The following DYNC1I1 variants were observed in gnomAD, a reference collection of about 807,000 sequenced individuals.
DYNC1I1 encodes dynein cytoplasmic 1 intermediate chain 1, also known as cytoplasmic dynein 1 intermediate chain 1.
DYNC1I1 carries 43 observed loss-of-function variants against 86.6 expected under a neutral mutation model. The ratio of observed to expected loss-of-function variants is 0.50; its 90% CI spans 0.39 to 0.64. The LOEUF (loss-of-function observed/expected upper bound fraction) is 0.64. Ranked by LOEUF, DYNC1I1 falls within the 30% of genes least tolerant of loss-of-function variation. The probability of loss-of-function intolerance (pLI) is 0.00; values close to 1 mark genes in which losing one functional copy is unlikely to be tolerated. For synonymous variants in DYNC1I1, 262 were observed against 283.7 expected (o/e 0.92, Z 0.77); for missense variants, 604 against 788.8 (o/e 0.77, Z 2.81).
At chr7:95,901,705 C>T (rs1236953247) in intron 6 of DYNC1I1, among the ~76,000 whole-genome samples, 1 of 152,162 alleles carries the variant, frequency 6.6e-6, no homozygotes, top group Non-Finnish European at 1.5e-5. Flanking sequence ...TGCTTACTGA[C>T]AGTGCTTATT....
intron 5 of DYNC1I1, among the ~76,000 whole-genome samples, chr7:95,846,621 CTCTCTCTGTGTGTGTGTGTGTG>C (rs1488881262): frequency 8.3e-6 from 1 of 120,296 alleles, no homozygotes; most frequent in African/African-American, 3.4e-5. Context: ...TGATAAATCT[CTCTCTCTGTGTGTGTGTGTGTG>C]TGTGTGTGTG....
At chr7:95,957,506 G>T (rs549247329) in intron 6 of DYNC1I1, among the ~76,000 whole-genome samples, 1 of 152,070 alleles carries the variant, frequency 6.6e-6, no homozygotes, top group Admixed American at 6.5e-5. Flanking sequence ...AGAGTTGTTC[G>T]TCCTCCAGAA....
chr7:96,096,830 G>A (rs901630716), intron 16 of DYNC1I1, among the ~76,000 whole-genome samples: 1 of 151,986 alleles, frequency 6.6e-6, no homozygotes, highest in Non-Finnish European at 1.5e-5. Flanking sequence ...TAATCTTTCT[G>A]TGCCTCTAAT....
At chr7:95,983,959 T>G (rs62467721) in intron 7 of DYNC1I1, among the ~76,000 whole-genome samples, 14,647 of 152,208 alleles carry the variant, frequency 0.096, 732 homozygotes, top group Admixed American at 0.12. Flanking sequence ...CTGCCCTTGA[T>G]GGTTTTTTGG....
intron 5 of DYNC1I1, among the ~76,000 whole-genome samples, chr7:95,863,460 A>T (rs1377531433): frequency 6.6e-6 from 1 of 152,114 alleles, no homozygotes; most frequent in Non-Finnish European, 1.5e-5. Flanking sequence ...ACTAATAACC[A>T]TTAAATTATA....
chr7:95,996,879 AC>A (rs1346840954), intron 10 of DYNC1I1, among the ~76,000 whole-genome samples: 2 of 152,222 alleles, frequency 1.3e-5, no homozygotes, highest in East Asian at 3.8e-4. Flanking sequence ...ATTCAGAGGT[AC>A]TGAGTGGCAG....
chr7:95,789,760 A>G (rs545338313), intron 1 of DYNC1I1, among the ~76,000 whole-genome samples: 1 of 152,346 alleles, frequency 6.6e-6, no homozygotes, highest in Non-Finnish European at 1.5e-5. Context: ...TGGCTGAGAA[A>G]GGATAAAGGT....
At chr7:96,032,176 C>T (rs1436060144) in intron 11 of DYNC1I1, among the ~76,000 whole-genome samples, 1 of 152,086 alleles carries the variant, frequency 6.6e-6, no homozygotes, top group Non-Finnish European at 1.5e-5. Flanking sequence ...GAATATTAAC[C>T]ACTTTTTATA....
In DYNC1I1 at chr7:95,827,063, T is replaced by G. The variant is rs545523070; in HGVS notation, c.315-994T>G. The stretch of plus-strand genomic sequence containing the variant: ...TGGGGTGGGACGTGAGTTTCTGCAT[T>G]TCCAACAAACTCCCAAGAGATGTTG... On this transcript the variant is annotated intron_variant, in intron 4 of 16. Transcript: ENST00000447467. Among the ~76,000 whole-genome samples the G allele has an allele frequency of 5.3e-5, 8 of 152,226 alleles. No individual in the cohort carries two copies. The East Asian group carries it at 7.7e-4, about 15-fold the overall frequency.
At chr7:96,025,518 C>G (rs1201108922) in intron 10 of DYNC1I1, among the ~76,000 whole-genome samples, 1 of 152,056 alleles carries the variant, frequency 6.6e-6, no homozygotes, top group African/African-American at 2.4e-5. Context: ...AAGCAGAACT[C>G]TGGTGCTGCA....
At chr7:95,991,089 G>A (rs977293534) in intron 9 of DYNC1I1, among the ~76,000 whole-genome samples, 1 of 152,206 alleles carries the variant, frequency 6.6e-6, no homozygotes. Context: ...TTTTAAAAGT[G>A]TCTGGTGCAT....
At chr7:95,908,157 T>C (rs1218346939) in intron 6 of DYNC1I1, among the ~76,000 whole-genome samples, 4 of 152,198 alleles carry the variant, frequency 2.6e-5, no homozygotes, top group Non-Finnish European at 5.9e-5. Context: ...CGGGAGGAGA[T>C]GGAGACTACC....
At chr7:96,012,336 C>T (rs764839249) in intron 10 of DYNC1I1, among the ~76,000 whole-genome samples, 3 of 152,160 alleles carry the variant, frequency 2.0e-5, no homozygotes, top group Non-Finnish European at 4.4e-5. Context: ...CTGCTTCTGT[C>T]TGAAGATTAC....
intron 16 of DYNC1I1, among the ~76,000 whole-genome samples, chr7:96,092,601 G>A (rs1203190836): frequency 1.3e-5 from 2 of 152,134 alleles, no homozygotes. Flanking sequence ...CCCAGGCAAG[G>A]CGAGCAAGGG....
intron 10 of DYNC1I1, 140 bp downstream of exon 10, chr7:95,996,213 C>A: frequency 1.6e-6 from 2 of 1,284,012 alleles, no homozygotes; most frequent in Non-Finnish European, 1.1e-6. Context: ...AATTCCCCCA[C>A]AGTAACCTAA....
At chr7:95,797,573 A>C (rs1794471755) in intron 1 of DYNC1I1, among the ~76,000 whole-genome samples, 1 of 152,256 alleles carries the variant, frequency 6.6e-6, no homozygotes, top group African/African-American at 2.4e-5. Context: ...TGACATTATA[A>C]AATCATACAT....
At chr7:95,924,929 A>G (rs1791704334) in intron 6 of DYNC1I1, among the ~76,000 whole-genome samples, 1 of 152,192 alleles carries the variant, frequency 6.6e-6, no homozygotes, top group Admixed American at 6.5e-5. Context: ...AGCTTTTATA[A>G]TCACACAGAC....
chr7:95,821,199 A>T (rs1438417025), intron 4 of DYNC1I1, among the ~76,000 whole-genome samples: 1 of 152,264 alleles, frequency 6.6e-6, no homozygotes, highest in South Asian at 2.1e-4. Context: ...TTTATTGTCT[A>T]TCAGATACTA....
chr7:95,791,881 A>G (rs1794312347), intron 1 of DYNC1I1, among the ~76,000 whole-genome samples: 1 of 152,216 alleles, frequency 6.6e-6, no homozygotes, highest in Admixed American at 6.5e-5. Context: ...TGAGTGAGAC[A>G]ATGACTCTCC....
Sources: gnomAD v4.1 joint callset for allele counts (sites outside exome capture counted in the v4.1 genomes callset) on GRCh38, gnomAD v4.1.1 for gene constraint, MANE v1.5 for transcripts, NCBI Gene and HGNC (gene_info 2026-07-23, HGNC 2026-07-21) for gene names.